The following TGFA variants were observed in gnomAD, a reference collection of about 807,000 sequenced individuals.
TGFA encodes protransforming growth factor alpha.
Under a neutral mutation model 21.7 loss-of-function variants are expected in TGFA, and 12 were observed. The observed-to-expected ratio is 0.55, with a 90% CI of 0.35 to 0.90. TGFA has a LOEUF of 0.90. Ranked by LOEUF, TGFA falls within the 40% of genes least tolerant of loss-of-function variation. The pLI, the probability that TGFA is intolerant of heterozygous loss-of-function variation, is 0.01. For missense variants in TGFA, 178 were observed against 210.8 expected, an observed-to-expected ratio of 0.84 and a Z score of 0.96; for synonymous variants, 79 against 88.1, an observed-to-expected ratio of 0.90 and a Z score of 0.58.
intron 1 of TGFA, among the ~76,000 whole-genome samples, chr2:70,527,573 G>A (rs1014868217): frequency 6.6e-6 from 1 of 152,186 alleles, no homozygotes; most frequent in Non-Finnish European, 1.5e-5. Flanking sequence ...CTACAAGAGT[G>A]AGCCCTAATG....
At chr2:70,490,888 A>C (rs1671414534) in intron 2 of TGFA, among the ~76,000 whole-genome samples, 1 of 151,780 alleles carries the variant, frequency 6.6e-6, no homozygotes, top group Non-Finnish European at 1.5e-5. Flanking sequence ...ATGTCTGTGG[A>C]CCAATTAGTG....
chr2:70,524,398 G>T (rs1312404656), intron 1 of TGFA, among the ~76,000 whole-genome samples: 1 of 152,240 alleles, frequency 6.6e-6, no homozygotes, highest in Non-Finnish European at 1.5e-5. Context: ...CCAGGGGCTG[G>T]GTACTGAGTC....
At chr2:70,504,461 T>TATATATATATATATAC (rs1490288034) in intron 2 of TGFA, among the ~76,000 whole-genome samples, 2 of 65,168 alleles carry the variant, frequency 3.1e-5, no homozygotes, top group African/African-American at 1.0e-4. Context: ...TATATATATA[T>TATATATATATATATAC]ATACACACAT....
intron 2 of TGFA, among the ~76,000 whole-genome samples, chr2:70,499,713 G>A (rs1671681065): frequency 1.3e-5 from 2 of 152,116 alleles, no homozygotes; most frequent in Admixed American, 1.3e-4. Flanking sequence ...TGCACTAGGG[G>A]TTCATCCGTA....
At chr2:70,519,042 G>A (rs991131382) in intron 1 of TGFA, among the ~76,000 whole-genome samples, 1 of 152,232 alleles carries the variant, frequency 6.6e-6, no homozygotes, top group Non-Finnish European at 1.5e-5. Context: ...GATGAAGGAT[G>A]TTCTGGATTC....
At chr2:70,494,646 T>C (rs1314603421) in intron 2 of TGFA, among the ~76,000 whole-genome samples, 4 of 152,248 alleles carry the variant, frequency 2.6e-5, no homozygotes, top group African/African-American at 9.6e-5. Flanking sequence ...CTTATCTGCT[T>C]TGTACGCAGC....
At chr2:70,541,788 C>CTAAAA (rs1673138327) in intron 1 of TGFA, among the ~76,000 whole-genome samples, 1 of 152,076 alleles carries the variant, frequency 6.6e-6, no homozygotes, top group South Asian at 2.1e-4. Flanking sequence ...CCTCACATTC[C>CTAAAA]TAAAAACTGC....
chr2:70,539,928 C>T (rs1270236333), intron 1 of TGFA, among the ~76,000 whole-genome samples: 1 of 152,172 alleles, frequency 6.6e-6, no homozygotes, highest in Admixed American at 6.5e-5. Context: ...ACTAGTACTC[C>T]CATTTGAGAA....
At chr2:70,510,903 G>T (rs1559127423) in intron 2 of TGFA, among the ~76,000 whole-genome samples, 2 of 152,146 alleles carry the variant, frequency 1.3e-5, no homozygotes, top group African/African-American at 2.4e-5. Flanking sequence ...CACTTTGGGA[G>T]GCCAAAGTGG....
At chr2:70,551,509 A>T (rs1553506820) in intron 1 of TGFA, among the ~76,000 whole-genome samples, 1 of 152,228 alleles carries the variant, frequency 6.6e-6, no homozygotes, top group Non-Finnish European at 1.5e-5. Context: ...GCGATGGAAC[A>T]CTGGTTGATT....
At position 70,453,272 on chromosome 2, in the gene TGFA, C is replaced by G. The variant is rs781826380; in HGVS notation, c.421G>C (p.Glu141Gln). The G allele has an allele frequency of 1.2e-6, 2 of 1,614,038 alleles. No individual in the cohort carries two copies. The highest frequency in any genetic ancestry group is 1.7e-6 in the Non-Finnish European group (2 of 1,179,928). ...EWCRALICRHEKPSALLKGRT... is the reference protein window; with the variant it reads ...EWCRALICRHQKPSALLKGRT... ...CCCTTCAGGAGGGCGCTGGGCTTCTCGTGCCGGCAGATGAGGGCCCGGCAC... is the reference window on the plus strand; with the variant it reads ...CCCTTCAGGAGGGCGCTGGGCTTCTGGTGCCGGCAGATGAGGGCCCGGCAC... The change falls in exon 5 of 6, where the codon GAG becomes CAG. Residue 141 changes from glutamate to glutamine, a missense_variant. By Grantham distance (29) the Glu-to-Gln change is conservative. Transcript: ENST00000295400.
At position 70,475,172 on chromosome 2, in the gene TGFA, T is replaced by G. The variant is rs782087764; in HGVS notation, c.95-9436A>C. Among the ~76,000 whole-genome samples the G allele has an allele frequency of 2.4e-4, 36 of 152,340 alleles. 1 individual carries two copies. The highest frequency in any genetic ancestry group is 8.3e-4 in the South Asian group (4 of 4,828). ...TATTTTGCCAGCTTTCAATTTTATC[T>G]AAAGTACCTGGTCTTAGAGTTTTTA... On this transcript the variant is annotated intron_variant, in intron 2 of 5. Transcript: ENST00000295400.
intron 2 of TGFA, among the ~76,000 whole-genome samples, chr2:70,512,964 A>C (rs1359896349): frequency 1.3e-5 from 2 of 152,140 alleles, no homozygotes; most frequent in African/African-American, 2.4e-5. Context: ...GAGAGCCGGG[A>C]AACTAGGGAT....
chr2:70,532,744 CCT>C (rs782664973), intron 1 of TGFA, among the ~76,000 whole-genome samples: 2 of 152,352 alleles, frequency 1.3e-5, no homozygotes, highest in East Asian at 1.9e-4. Context: ...AGAGCAGAAC[CCT>C]CTCCCTGCTT....
chr2:70,495,028 A>G (rs1671539141), intron 2 of TGFA, among the ~76,000 whole-genome samples: 1 of 152,224 alleles, frequency 6.6e-6, no homozygotes, highest in African/African-American at 2.4e-5. Flanking sequence ...TGTAAGCTAT[A>G]TAAATATCCA....
chr2:70,528,069 C>A (rs1466774550), intron 1 of TGFA, among the ~76,000 whole-genome samples: 1 of 152,190 alleles, frequency 6.6e-6, no homozygotes, highest in African/African-American at 2.4e-5. Flanking sequence ...TCACTTCCAG[C>A]CTTTGCCATC....
At chr2:70,457,789 A>T (rs868984045) in intron 3 of TGFA, among the ~76,000 whole-genome samples, 1 of 151,878 alleles carries the variant, frequency 6.6e-6, no homozygotes, top group African/African-American at 2.4e-5. Context: ...TGATCCACCC[A>T]CCTCGGCCTC....
intron 2 of TGFA, among the ~76,000 whole-genome samples, chr2:70,478,203 T>C (rs554879052): frequency 3.0e-4 from 46 of 152,278 alleles, no homozygotes; most frequent in Non-Finnish European, 6.3e-4. Context: ...AGCTTTGTAA[T>C]TGAACAAAGT....
At chr2:70,527,151 A>G (rs1672662379) in intron 1 of TGFA, among the ~76,000 whole-genome samples, 1 of 152,252 alleles carries the variant, frequency 6.6e-6, no homozygotes, top group South Asian at 2.1e-4. Context: ...CTGCATATAG[A>G]TGCTTACAGT....
Sources: gnomAD v4.1 joint callset for allele counts (sites outside exome capture counted in the v4.1 genomes callset) on GRCh38, gnomAD v4.1.1 for gene constraint, MANE v1.5 for transcripts, NCBI Gene and HGNC (gene_info 2026-07-23, HGNC 2026-07-21) for gene names.